Variants in CAMK1D observed in about 807,000 individuals in gnomAD.
The protein encoded by CAMK1D is calcium/calmodulin dependent protein kinase ID.
A neutral mutation model predicts 47.7 loss-of-function variants in CAMK1D; 9 were observed. That is an observed-to-expected ratio of 0.19 (90% CI 0.11 to 0.33). The LOEUF (loss-of-function observed/expected upper bound fraction) is 0.33, where lower values mean the gene tolerates loss of function less well. CAMK1D is among the 10% of genes least tolerant of loss of function. The pLI is 1.00. For synonymous variants in CAMK1D, 184 were observed against 184.9 expected (o/e 0.99, Z 0.04); for missense variants, 291 against 488.7 (o/e 0.60, Z 3.81).
intron 3 of CAMK1D, among the ~76,000 whole-genome samples, chr10:12,705,463 A>AG (rs1488442721): frequency 2.6e-5 from 4 of 151,754 alleles, no homozygotes; most frequent in African/African-American, 9.7e-5. Context: ...TCCAGCTCAA[A>AG]AAAAAGAAAA....
intron 1 of CAMK1D, among the ~76,000 whole-genome samples, chr10:12,504,108 G>GGTGTGTGT (rs1554778998): frequency 9.5e-5 from 14 of 147,754 alleles, no homozygotes; most frequent in African/African-American, 3.5e-4. Context: ...CAATAAGATG[G>GGTGTGTGT]GTGTGTGTGT....
intron 2 of CAMK1D, among the ~76,000 whole-genome samples, chr10:12,650,572 C>A (rs553583046): frequency 6.6e-6 from 1 of 152,132 alleles, no homozygotes; most frequent in African/African-American, 2.4e-5. Flanking sequence ...CTGCACACAA[C>A]GTGCCGCAAT....
intron 1 of CAMK1D, among the ~76,000 whole-genome samples, chr10:12,454,760 C>T (rs978544965): frequency 2.0e-5 from 3 of 152,178 alleles, no homozygotes; most frequent in Non-Finnish European, 2.9e-5. Context: ...TCTGTGCCTG[C>T]GCTATGTTGC....
chr10:12,767,180 T>A (rs1282256584), intron 4 of CAMK1D, among the ~76,000 whole-genome samples: 1 of 152,092 alleles, frequency 6.6e-6, no homozygotes, highest in Non-Finnish European at 1.5e-5. Context: ...TATTTTTATT[T>A]TTTTATTTGT....
At chr10:12,569,919 A>G (rs1400957110) in intron 2 of CAMK1D, among the ~76,000 whole-genome samples, 1 of 148,820 alleles carries the variant, frequency 6.7e-6, no homozygotes, top group Non-Finnish European at 1.5e-5. Flanking sequence ...AAAATATTTT[A>G]GGCCGGGCAT....
At chr10:12,575,163 G>A (rs1837454852) in intron 2 of CAMK1D, among the ~76,000 whole-genome samples, 1 of 152,012 alleles carries the variant, frequency 6.6e-6, no homozygotes, top group South Asian at 2.1e-4. Context: ...CACGATCTTG[G>A]CTCACTGCAA....
chr10:12,578,258 T>G (rs901183322), intron 2 of CAMK1D, among the ~76,000 whole-genome samples: 2 of 152,002 alleles, frequency 1.3e-5, no homozygotes, highest in Non-Finnish European at 2.9e-5. Context: ...AAAAAATGTT[T>G]TGTAGGGCTG....
chr10:12,504,786 C>T (rs576760922), intron 1 of CAMK1D, among the ~76,000 whole-genome samples: 14 of 152,290 alleles, frequency 9.2e-5, no homozygotes, highest in Admixed American at 3.3e-4. Flanking sequence ...GCCACTTTCT[C>T]TTACTACCTC....
chr10:12,570,089 A>G (rs1837275657), intron 2 of CAMK1D, among the ~76,000 whole-genome samples: 1 of 151,854 alleles, frequency 6.6e-6, no homozygotes, highest in Admixed American at 6.6e-5. Flanking sequence ...AATCCCAGCT[A>G]CTCCGGAGGC....
intron 3 of CAMK1D, among the ~76,000 whole-genome samples, chr10:12,736,383 A>T (rs1835188789): frequency 1.3e-5 from 2 of 152,188 alleles, no homozygotes; most frequent in African/African-American, 4.8e-5. Flanking sequence ...TTGACTAGAT[A>T]AGCATCGTAA....
chr10:12,451,055 A>G (rs1368375173), intron 1 of CAMK1D, among the ~76,000 whole-genome samples: 2 of 152,044 alleles, frequency 1.3e-5, no homozygotes, highest in African/African-American at 2.4e-5. Context: ...GAGTGAGGAG[A>G]ACCATTCTTT....
intron 1 of CAMK1D, among the ~76,000 whole-genome samples, chr10:12,461,687 C>CAAA (rs57291391): frequency 6.6e-5 from 6 of 90,370 alleles, no homozygotes; most frequent in Admixed American, 2.5e-4. Context: ...GGCTTCATCT[C>CAAA]AAAAAAAAAA....
chr10:12,430,805 C>T (rs1230384105), intron 1 of CAMK1D, among the ~76,000 whole-genome samples: 4 of 152,204 alleles, frequency 2.6e-5, no homozygotes, highest in African/African-American at 9.7e-5. Flanking sequence ...GGCTGGAGTG[C>T]AGTGGTGCAA....
intron 1 of CAMK1D, among the ~76,000 whole-genome samples, chr10:12,370,165 C>T (rs762795079): frequency 3.3e-5 from 5 of 152,016 alleles, no homozygotes; most frequent in Non-Finnish European, 5.9e-5. Flanking sequence ...GATAATGGAG[C>T]GGAAGCATTC....
At chr10:12,405,605 G>A (rs1839392924) in intron 1 of CAMK1D, among the ~76,000 whole-genome samples, 1 of 152,212 alleles carries the variant, frequency 6.6e-6, no homozygotes, top group Non-Finnish European at 1.5e-5. Context: ...TGTTATATAA[G>A]TGAAACCAGT....
chr10:12,695,566 A>G (rs549927800), intron 3 of CAMK1D, among the ~76,000 whole-genome samples: 5 of 152,288 alleles, frequency 3.3e-5, no homozygotes, highest in Admixed American at 1.3e-4. Flanking sequence ...AAAAGTTACT[A>G]TTTCACATCA....
intron 1 of CAMK1D, among the ~76,000 whole-genome samples, chr10:12,538,664 G>C (rs1043830513): frequency 6.6e-6 from 1 of 152,108 alleles, no homozygotes; most frequent in African/African-American, 2.4e-5. Context: ...CAGTTGCTAG[G>C]CGTCCAGCAG....
intron 1 of CAMK1D, among the ~76,000 whole-genome samples, chr10:12,374,740 G>C (rs1838122794): frequency 6.6e-6 from 1 of 152,072 alleles, no homozygotes; most frequent in South Asian, 2.1e-4. Flanking sequence ...TCAGGAGTTT[G>C]AGACCAGCCT....
intron 3 of CAMK1D, among the ~76,000 whole-genome samples, chr10:12,699,211 A>G (rs562332298): frequency 6.6e-6 from 1 of 152,252 alleles, no homozygotes; most frequent in South Asian, 2.1e-4. Flanking sequence ...ATAGGGAGAT[A>G]TTATTTTATG....
Sources: gnomAD v4.1 joint callset for allele counts (sites outside exome capture counted in the v4.1 genomes callset) on GRCh38, gnomAD v4.1.1 for gene constraint, MANE v1.5 for transcripts, NCBI Gene and HGNC (gene_info 2026-07-23, HGNC 2026-07-21) for gene names.